Variants in WDTC1 observed in about 807,000 individuals in gnomAD.
WDTC1 encodes WD and tetratricopeptide repeats 1.
Under a neutral mutation model 76.0 loss-of-function variants are expected in WDTC1, and 12 were observed. The ratio of observed to expected loss-of-function variants is 0.16; its 90% confidence interval spans 0.10 to 0.26. WDTC1 has a LOEUF of 0.26. Among genes scored for constraint, WDTC1 ranks in the 10% least tolerant of loss-of-function variants. WDTC1 has a pLI of 1.00. For missense variants in WDTC1, 511 were observed against 908.8 expected (o/e 0.56, Z 5.63); for synonymous variants, 326 against 350.8 (o/e 0.93, Z 0.79).
In WDTC1 at chr1:27,236,805, A is replaced by G. The variant is rs114733741; in HGVS notation, c.-100+1854A>G. ...CTAGACTATGACTTGGTCTTTAATTATTTTTATTTTTTTCTCCTTTATGTA... is the reference window on the plus strand; with the variant it reads ...CTAGACTATGACTTGGTCTTTAATTGTTTTTATTTTTTTCTCCTTTATGTA... On this transcript the variant is annotated intron_variant, in intron 1 of 15. Coordinates refer to ENST00000319394, the MANE Select transcript of WDTC1 (RefSeq NM_001276252.2). 2.1e-3 allele frequency among the ~76,000 whole-genome samples: 326 copies of G among 152,070 alleles called. 1 individual carries two copies. Among genetic ancestry groups the G allele is most frequent in the African/African-American group, 7.5e-3 (311 of 41,472 alleles).
intron 1 of WDTC1, among the ~76,000 whole-genome samples, chr1:27,259,727 G>T (rs2012413172): frequency 6.6e-6 from 1 of 151,954 alleles, no homozygotes; most frequent in Non-Finnish European, 1.5e-5. Context: ...GCTTCAACAA[G>T]TGGTAAGGCT....
At position 27,306,405 on chromosome 1, in the gene WDTC1, G is replaced by A. The variant is rs1354378510; in HGVS notation, c.*22G>A. The A allele has an allele frequency of 2.5e-6, 4 of 1,604,992 alleles. No individual in the cohort carries two copies. The East Asian group carries it at 6.7e-5, about 27-fold the overall frequency. ...CTAGACCCTCCAGCCCTGGTCCCCAGCCCCTGCTACTGGCTGGACCCTCTG... is the reference window on the plus strand; with the variant it reads ...CTAGACCCTCCAGCCCTGGTCCCCAACCCCTGCTACTGGCTGGACCCTCTG... On this transcript the variant is annotated 3_prime_UTR_variant, in exon 16 of 16. Coordinates refer to ENST00000319394, the MANE Select transcript of WDTC1 (RefSeq NM_001276252.2). This position sits in a 1 kb window ranked among gnomAD's most constrained non-coding sequence, Gnocchi z 5.0.
At chr1:27,260,080 T>C (rs1424116827) in intron 1 of WDTC1, among the ~76,000 whole-genome samples, 1 of 151,818 alleles carries the variant, frequency 6.6e-6, no homozygotes, top group East Asian at 1.9e-4. Flanking sequence ...CTACCAGGAT[T>C]TTTTTTGTTT....
chr1:27,289,156 C>T (rs1389148778), intron 6 of WDTC1, among the ~76,000 whole-genome samples: 2 of 143,148 alleles, frequency 1.4e-5, no homozygotes, highest in African/African-American at 2.6e-5. Flanking sequence ...TAGGGGCGGC[C>T]GGGCAGAGGC....
At chr1:27,272,374 C>T (rs1048804076) in intron 3 of WDTC1, among the ~76,000 whole-genome samples, 8 of 152,126 alleles carry the variant, frequency 5.3e-5, no homozygotes, top group Non-Finnish European at 7.4e-5. Context: ...TGGGATGAGG[C>T]GTGAGCCACC....
At chr1:27,266,504 A>C (rs1431015922) in intron 3 of WDTC1, among the ~76,000 whole-genome samples, 1 of 152,190 alleles carries the variant, frequency 6.6e-6, no homozygotes, top group African/African-American at 2.4e-5. Flanking sequence ...TAAGTCAGTT[A>C]ATTTATGTAA....
rs1352775186 is a variant in WDTC1 at position 27,298,118 on chromosome 1, G to A, written c.1232+7G>A. On this transcript the variant is annotated splice_region_variant and intron_variant, in intron 12 of 15. Coordinates refer to ENST00000319394, the MANE Select transcript of WDTC1 (RefSeq NM_001276252.2). ...CCTACATGAAGCGCAAGTGGTGAGT[G>A]GCCACTGCAGAGGGGATCTGGGTCA... is the stretch of plus-strand genomic sequence containing the variant. The A allele has an allele frequency of 1.3e-6, 2 of 1,597,940 alleles. No homozygotes were observed. Among genetic ancestry groups the A allele is most frequent in the Admixed American group, 3.4e-5 (2 of 59,152 alleles).
chr1:27,260,660 C>T (rs995946359), intron 1 of WDTC1, among the ~76,000 whole-genome samples: 1 of 152,216 alleles, frequency 6.6e-6, no homozygotes, highest in Non-Finnish European at 1.5e-5. Flanking sequence ...CTTGTTCTAA[C>T]TTTAAGGATA....
intron 1 of WDTC1, among the ~76,000 whole-genome samples, chr1:27,244,241 A>G (rs1302496646): frequency 6.6e-6 from 1 of 152,186 alleles, no homozygotes; most frequent in Admixed American, 6.6e-5. Flanking sequence ...GTCAAGTCAG[A>G]CAGAAAATAG....
intron 12 of WDTC1, among the ~76,000 whole-genome samples, chr1:27,299,227 C>G (rs961380827): frequency 1.3e-5 from 2 of 152,198 alleles, no homozygotes; most frequent in African/African-American, 2.4e-5. Flanking sequence ...CTACTATGTG[C>G]TAGGTACTAG....
At chr1:27,241,831 ACATC>A (rs1238020624) in intron 1 of WDTC1, among the ~76,000 whole-genome samples, 2 of 152,102 alleles carry the variant, frequency 1.3e-5, no homozygotes, top group Non-Finnish European at 2.9e-5. Context: ...AGTTCTGAAA[ACATC>A]CAGAAAAAAT....
In WDTC1 at chr1:27,301,994, A is replaced by G. The variant is rs1172711530; in HGVS notation, c.1468+533A>G. ...AAGCACAGCCTCTCTACCTACCTGC[A>G]CAAAGAGCACGAAGCCCTGCCCAGC... On this transcript the variant is annotated intron_variant, in intron 13 of 15. Coordinates refer to ENST00000319394, the MANE Select transcript of WDTC1 (RefSeq NM_001276252.2). This position sits in a 1 kb window ranked among gnomAD's most constrained non-coding sequence, Gnocchi z 5.8. 1.3e-5 allele frequency among the ~76,000 whole-genome samples: 2 copies of G among 152,192 alleles called. No homozygotes were observed. Among genetic ancestry groups the G allele is most frequent in the Admixed American group, 1.3e-4 (2 of 15,270 alleles).
At chr1:27,296,051 C>T (rs370982649) in intron 9 of WDTC1, among the ~76,000 whole-genome samples, 59 of 152,254 alleles carry the variant, frequency 3.9e-4, no homozygotes, top group African/African-American at 1.3e-3. Context: ...TTACAGGCTA[C>T]GCCACCATGC....
chr1:27,267,249 C>CTTTTTTTTTTTT (rs869288356), intron 3 of WDTC1, among the ~76,000 whole-genome samples: 1 of 140,208 alleles, frequency 7.1e-6, no homozygotes. Flanking sequence ...GGATTACTTT[C>CTTTTTTTTTTTT]TTTTTTTTTT....
Position 27,234,797 on chromosome 1 carries a change from G to A in WDTC1, c.-254G>A, listed in dbSNP as rs1367753477. 16 of 398,436 alleles carry A rather than the reference G, an allele frequency of 4.0e-5. No homozygotes were observed. The East Asian group carries it at 5.7e-4, about 14-fold the overall frequency. The allele number at this position is 398,436 out of a possible 1,614,324, so 24.7% of individuals were successfully genotyped here. ...CGCTGTCCGGCCCCGGCCAGGCGCCGGGCGGGGAGCATGGGAAGGGGCTAG... is the reference window on the plus strand; with the variant it reads ...CGCTGTCCGGCCCCGGCCAGGCGCCAGGCGGGGAGCATGGGAAGGGGCTAG... On this transcript the variant is annotated 5_prime_UTR_variant, in exon 1 of 16. Transcript: ENST00000319394.
intron 1 of WDTC1, among the ~76,000 whole-genome samples, chr1:27,257,315 G>T (rs970239719): frequency 1.3e-5 from 2 of 152,142 alleles, no homozygotes; most frequent in Non-Finnish European, 2.9e-5. Flanking sequence ...ACGTAACCCC[G>T]TCAGTGTTTG....
chr1:27,244,824 G>C (rs1233069052), intron 1 of WDTC1, among the ~76,000 whole-genome samples: 1 of 152,166 alleles, frequency 6.6e-6, no homozygotes, highest in South Asian at 2.1e-4. Flanking sequence ...TGTCACCCTG[G>C]TTGGGGGCAC....
At position 27,306,124 on chromosome 1, in the gene WDTC1, C is replaced by G; in HGVS notation, c.1837-62C>G. ...TGTATTTCCCTCCCCCTCCCCTATA[C>G]GTGTACCCTGGTGCCTCTCCCTCCC... On this transcript the variant is annotated intron_variant, in intron 15 of 15. Transcript: ENST00000319394. This position sits in a 1 kb window ranked among gnomAD's most constrained non-coding sequence, Gnocchi z 5.0. The G allele has an allele frequency of 5.1e-6, 8 of 1,582,520 alleles. No homozygotes were observed. The highest frequency in any genetic ancestry group is 6.9e-6 in the Non-Finnish European group (8 of 1,153,828).
chr1:27,267,173 C>G (rs538774513), intron 3 of WDTC1, among the ~76,000 whole-genome samples: 1 of 151,954 alleles, frequency 6.6e-6, no homozygotes, highest in East Asian at 1.9e-4. Context: ...ATTTGTTACC[C>G]TTCCTGTATG....
Sources: gnomAD v4.1 joint callset for allele counts (sites outside exome capture counted in the v4.1 genomes callset) on GRCh38, gnomAD v4.1.1 for gene constraint, Gnocchi (gnomAD v3.1) non-coding constraint, MANE v1.5 for transcripts, NCBI Gene and HGNC (gene_info 2026-07-23, HGNC 2026-07-21) for gene names.